Variants in MYO5A observed in about 807,000 individuals in gnomAD.
MYO5A encodes myosin VA.
In MYO5A, 98 loss-of-function variants were observed where a neutral mutation model predicts 249.7. The observed-to-expected ratio is 0.39, with a 90% CI of 0.33 to 0.46. MYO5A has a LOEUF of 0.46. MYO5A is among the 20% of genes least tolerant of loss of function. MYO5A has a pLI of 0.98. For synonymous variants in MYO5A, 778 were observed against 810.6 expected, an observed-to-expected ratio of 0.96 and a Z score of 0.68; for missense variants, 1,696 against 2,308.8, an observed-to-expected ratio of 0.73 and a Z score of 5.44.
At position 52,462,913 on chromosome 15, in the gene MYO5A, T is replaced by C. The variant is rs140358683; in HGVS notation, c.28-29628A>G. Among the ~76,000 whole-genome samples the C allele has an allele frequency of 5.5e-3, 834 of 151,200 alleles. 10 individuals are homozygous for C. Among genetic ancestry groups the C allele is most frequent in the African/African-American group, 0.019 (801 of 41,186 alleles). ...TCCAAACATCTAGAGAGATCAAGAG[T>C]ACACTTTGCTTCCCTTAAATCTGAC... is the stretch of plus-strand genomic sequence containing the variant. On this transcript the variant is annotated intron_variant, in intron 1 of 41. Transcript: ENST00000399233.
chr15:52,440,484 T>A (rs1350690283), intron 1 of MYO5A, among the ~76,000 whole-genome samples: 1 of 152,184 alleles, frequency 6.6e-6, no homozygotes, highest in African/African-American at 2.4e-5. Context: ...GCCAGGCTGG[T>A]CTTGAACCCC....
At chr15:52,462,570 A>G (rs1257590632) in intron 1 of MYO5A, among the ~76,000 whole-genome samples, 1 of 152,218 alleles carries the variant, frequency 6.6e-6, no homozygotes, top group African/African-American at 2.4e-5. Flanking sequence ...GTTATCGGCC[A>G]GGCACAGTGG....
chr15:52,356,228 G>A (rs752047409), intron 25 of MYO5A, among the ~76,000 whole-genome samples: 1 of 151,926 alleles, frequency 6.6e-6, no homozygotes, highest in African/African-American at 2.4e-5. Context: ...TTAAATGATT[G>A]GTAAATCTAC....
chr15:52,351,184 G>A lies in MYO5A; in HGVS notation c.3849+70C>T, dbSNP rs2039932071. The stretch of plus-strand genomic sequence containing the variant: ...TTAAGTGTTTGCTGCATTATAAACT[G>A]GAGGGAAGGGATAAGAAGATATTGA... On this transcript the variant is annotated intron_variant, in intron 28 of 41. Transcript: ENST00000399233. The A allele has an allele frequency of 1.9e-5, 22 of 1,170,296 alleles. No individual in the cohort carries two copies. The South Asian group carries it at 2.3e-4, about 12-fold the overall frequency. 72.5% of individuals were successfully genotyped at this position (1,170,296 alleles called of 1,614,324 possible).
chr15:52,336,958 G>A (rs545952620), intron 33 of MYO5A, among the ~76,000 whole-genome samples: 1 of 152,306 alleles, frequency 6.6e-6, no homozygotes. Flanking sequence ...TTGAACTTAG[G>A]TAGGAACTGA....
intron 27 of MYO5A, among the ~76,000 whole-genome samples, 199 bp downstream of exon 27, chr15:52,353,406 T>C (rs2040050991): frequency 6.6e-6 from 1 of 152,198 alleles, no homozygotes. Flanking sequence ...CCTGTTCCTG[T>C]TAAGACTAAA....
At chr15:52,329,905 ATTTTTTTTTT>A (rs58058940) in intron 35 of MYO5A, among the ~76,000 whole-genome samples, 2 of 119,726 alleles carry the variant, frequency 1.7e-5, no homozygotes, top group South Asian at 2.9e-4. Context: ...CGCCTGGGTA[ATTTTTTTTTT>A]TTTTTTTTTT....
intron 21 of MYO5A, 27 bp from the exon 22 acceptor site, chr15:52,370,444 A>C (rs2041045047): frequency 6.3e-7 from 1 of 1,582,214 alleles, no homozygotes; most frequent in African/African-American, 1.3e-5. Context: ...AAGTAACAAT[A>C]AGTAAATACA....
intron 4 of MYO5A, among the ~76,000 whole-genome samples, chr15:52,423,135 T>C (rs1337548219): frequency 6.6e-6 from 1 of 152,138 alleles, no homozygotes; most frequent in Non-Finnish European, 1.5e-5. Context: ...GTTCAATAAA[T>C]CTCTATTACA....
chr15:52,458,062 C>T (rs1044793840), intron 1 of MYO5A, among the ~76,000 whole-genome samples: 2 of 152,048 alleles, frequency 1.3e-5, no homozygotes, highest in African/African-American at 2.4e-5. Flanking sequence ...GTAGATCTCA[C>T]GGAGGTAAAG....
chr15:52,377,219 C>T (rs927929286), intron 18 of MYO5A, among the ~76,000 whole-genome samples: 2 of 151,944 alleles, frequency 1.3e-5, no homozygotes, highest in African/African-American at 4.8e-5. Context: ...GTCAGGAGAT[C>T]GAGAACATCC....
chr15:52,382,209 G>A (rs112210821), intron 16 of MYO5A, among the ~76,000 whole-genome samples: 33 of 152,282 alleles, frequency 2.2e-4, no homozygotes, highest in African/African-American at 7.5e-4. Context: ...GCTGACGGAT[G>A]CTTTTTCATT....
chr15:52,389,644 G>T lies in MYO5A; in HGVS notation c.1543-281C>A, dbSNP rs141056673. 6.1e-3 allele frequency among the ~76,000 whole-genome samples: 934 copies of T among 152,176 alleles called. 10 individuals are homozygous for T. Among genetic ancestry groups the T allele is most frequent in the African/African-American group, 0.022 (893 of 41,528 alleles). On this transcript the variant is annotated intron_variant, in intron 12 of 41. Coordinates refer to ENST00000399233, the MANE Select transcript of MYO5A (RefSeq NM_001382347.1). The stretch of plus-strand genomic sequence containing the variant: ...ATCATCAAATAAATTTGTTGTTGTT[G>T]TTGCTGTTTTTTAAAAAACAAAAGC...
At chr15:52,336,391 T>C in intron 34 of MYO5A, 72 bp downstream of exon 34, 3 of 1,031,582 alleles carry the variant, frequency 2.9e-6, no homozygotes, top group Non-Finnish European at 4.5e-6. Context: ...TTAGGCCACT[T>C]ATATAGCCTA....
intron 6 of MYO5A, among the ~76,000 whole-genome samples, chr15:52,409,322 T>C (rs1238920274): frequency 6.6e-6 from 1 of 152,130 alleles, no homozygotes. Flanking sequence ...TTTCACCCAT[T>C]CTTTCTTCTG....
At chr15:52,348,886 T>G in intron 28 of MYO5A, 60 bp from the exon 29 acceptor site, 1 of 1,562,008 alleles carries the variant, frequency 6.4e-7, no homozygotes, top group Non-Finnish European at 8.7e-7. Flanking sequence ...CTTAGTTCCA[T>G]AAATAAATTT....
chr15:52,389,441 C>CT, intron 12 of MYO5A, 78 bp from the exon 13 acceptor site: 3 of 1,388,760 alleles, frequency 2.2e-6, no homozygotes, highest in East Asian at 2.3e-5. Flanking sequence ...GTCAAAAGAT[C>CT]TTTTATTTTT....
At chr15:52,346,301 G>A in intron 30 of MYO5A, 60 bp downstream of exon 30, 1 of 1,025,940 alleles carries the variant, frequency 9.7e-7, no homozygotes, top group Non-Finnish European at 1.5e-6. Flanking sequence ...CAAGAGGCTG[G>A]CTTGAAGGCT....
intron 20 of MYO5A, among the ~76,000 whole-genome samples, chr15:52,374,766 C>T (rs942272911): frequency 5.9e-5 from 9 of 152,212 alleles, no homozygotes; most frequent in African/African-American, 2.2e-4. Flanking sequence ...TGATTTTGTC[C>T]CATTGATAAT....
Sources: gnomAD v4.1 joint callset for allele counts (sites outside exome capture counted in the v4.1 genomes callset) on GRCh38, gnomAD v4.1.1 for gene constraint, MANE v1.5 for transcripts, NCBI Gene and HGNC (gene_info 2026-07-23, HGNC 2026-07-21) for gene names.